MIGA1: variants seen among roughly 807,000 people sequenced by gnomAD.
MIGA1 encodes mitoguardin 1.
A neutral mutation model predicts 82.0 loss-of-function variants in MIGA1; 58 were observed. The ratio of observed to expected loss-of-function variants is 0.71; its 90% confidence interval spans 0.57 to 0.88. The LOEUF (loss-of-function observed/expected upper bound fraction) is 0.88. Ranked by LOEUF, MIGA1 falls within the 40% of genes least tolerant of loss-of-function variation. The pLI is 0.00. For synonymous variants in MIGA1, 249 were observed against 253.6 expected (o/e 0.98, Z 0.17); for missense variants, 751 against 749.1 (o/e 1.00, Z -0.03).
chr1:77,798,609 T>C (rs1272061570), intron 2 of MIGA1, among the ~76,000 whole-genome samples: 1 of 152,152 alleles, frequency 6.6e-6, no homozygotes, highest in Non-Finnish European at 1.5e-5. Flanking sequence ...CACGTGGGAA[T>C]TATGGGCGCT....
chr1:77,830,676 A>G (rs907537942), intron 7 of MIGA1, among the ~76,000 whole-genome samples: 3 of 152,180 alleles, frequency 2.0e-5, no homozygotes, highest in Non-Finnish European at 4.4e-5. Context: ...AAAGAGGACC[A>G]TAAGTCAGCT....
chr1:77,870,912 T>C, intron 14 of MIGA1, among the ~76,000 whole-genome samples: 1 of 49,962 alleles, frequency 2.0e-5, no homozygotes, highest in African/African-American at 8.2e-5. Flanking sequence ...CAAAACCCCG[T>C]CTCCACCAAA....
intron 2 of MIGA1, among the ~76,000 whole-genome samples, chr1:77,800,791 CTTA>C (rs1184264208): frequency 2.6e-5 from 4 of 152,272 alleles, no homozygotes; most frequent in Non-Finnish European, 4.4e-5. Flanking sequence ...GTTGTAGGCA[CTTA>C]TTATGTGCTC....
chr1:77,815,198 G>T lies in MIGA1; in HGVS notation c.862G>T (p.Ala288Ser). 2 of 1,607,570 alleles carry T rather than the reference G, an allele frequency of 1.2e-6. No individual in the cohort carries two copies. Residue 288 changes from alanine to serine, a missense_variant, in exon 7 of 16, where the codon GCA becomes TCA. Physicochemically the swap from Ala to Ser is moderately conservative, Grantham distance 99. Transcript: ENST00000370791. ...AGAGGAGTTTGAAGCTACCCTTGGG[G>T]CATCTGATCCTAATTCCCTTGCTGA...
chr1:77,816,561 A>G (rs944841568), intron 7 of MIGA1, among the ~76,000 whole-genome samples: 1 of 152,218 alleles, frequency 6.6e-6, no homozygotes, highest in Non-Finnish European at 1.5e-5. Flanking sequence ...ATAAGGTTAT[A>G]TGAAATCTCT....
chr1:77,789,191 G>T (rs1396804722), intron 2 of MIGA1, among the ~76,000 whole-genome samples: 1 of 147,844 alleles, frequency 6.8e-6, no homozygotes, highest in Non-Finnish European at 1.5e-5. Flanking sequence ...GGAATTGTGG[G>T]GGGCGGTTGC....
intron 7 of MIGA1, among the ~76,000 whole-genome samples, chr1:77,833,701 A>G (rs537075562): frequency 1.3e-4 from 20 of 152,360 alleles, no homozygotes; most frequent in African/African-American, 4.6e-4. Flanking sequence ...TTCCTGTGGC[A>G]GGGGACCTTT....
chr1:77,780,396 G>A (rs1011271293), intron 1 of MIGA1, among the ~76,000 whole-genome samples: 4 of 152,176 alleles, frequency 2.6e-5, no homozygotes, highest in African/African-American at 9.7e-5. Flanking sequence ...TTTTTGCACA[G>A]GACTTTGAAA....
chr1:77,808,468 T>C (rs1042945460), intron 5 of MIGA1, among the ~76,000 whole-genome samples: 3 of 152,216 alleles, frequency 2.0e-5, no homozygotes, highest in Admixed American at 2.0e-4. Flanking sequence ...TTACTAAATA[T>C]GTTTTTTCTA....
At position 77,811,197 on chromosome 1, in the gene MIGA1, A is replaced by T. The variant is rs1683314185; in HGVS notation, c.638-2537A>T. ...CAGGAGTTAAGTCTATGCCATTCAG[A>T]TCCTTTACACTAACTGTAATATAGG... On this transcript the variant is annotated intron_variant, in intron 5 of 15. Transcript: ENST00000370791. 3 of 1,547,752 alleles carry T rather than the reference A, an allele frequency of 1.9e-6. No individual in the cohort carries two copies. In the Admixed American group the frequency reaches 5.0e-5, roughly 26 times the overall value.
intron 2 of MIGA1, among the ~76,000 whole-genome samples, chr1:77,796,517 G>A (rs1292876233): frequency 6.6e-6 from 1 of 151,836 alleles, no homozygotes; most frequent in African/African-American, 2.4e-5. Flanking sequence ...CGAACCCCTG[G>A]GCTCAACTTA....
At chr1:77,815,411 C>T (rs925767524) in intron 7 of MIGA1, among the ~76,000 whole-genome samples, 180 bp downstream of exon 7, 4 of 151,800 alleles carry the variant, frequency 2.6e-5, no homozygotes, top group Non-Finnish European at 5.9e-5. Context: ...TTCAAATGAA[C>T]TAATGCCCTT....
At chr1:77,872,257 A>G (rs1646851889) in intron 14 of MIGA1, among the ~76,000 whole-genome samples, 1 of 152,200 alleles carries the variant, frequency 6.6e-6, no homozygotes, top group South Asian at 2.1e-4. Flanking sequence ...GGCATGAGCC[A>G]CCATGCCTGG....
At chr1:77,872,602 A>G (rs1646855397) in intron 14 of MIGA1, among the ~76,000 whole-genome samples, 1 of 152,202 alleles carries the variant, frequency 6.6e-6, no homozygotes, top group Non-Finnish European at 1.5e-5. Flanking sequence ...CCCTGTCTCA[A>G]AAAAACAAAC....
intron 5 of MIGA1, among the ~76,000 whole-genome samples, chr1:77,808,658 C>G (rs1683198755): frequency 6.6e-6 from 1 of 152,186 alleles, no homozygotes; most frequent in African/African-American, 2.4e-5. Flanking sequence ...TCCCTGTTCT[C>G]TGTTCTGTTT....
intron 14 of MIGA1, among the ~76,000 whole-genome samples, chr1:77,870,482 G>A (rs11162395): frequency 8.7e-5 from 9 of 103,882 alleles, no homozygotes; most frequent in South Asian, 4.6e-4. Context: ...CATCTCAGAC[G>A]ATGGGCGGCC....
intron 5 of MIGA1, among the ~76,000 whole-genome samples, chr1:77,809,068 C>T (rs545349077): frequency 6.6e-6 from 1 of 152,004 alleles, no homozygotes; most frequent in Non-Finnish European, 1.5e-5. Flanking sequence ...CTAATTGTGC[C>T]ACTGCACTAC....
chr1:77,820,808 A>G (rs1683777087), intron 7 of MIGA1, among the ~76,000 whole-genome samples: 1 of 152,182 alleles, frequency 6.6e-6, no homozygotes, highest in Admixed American at 6.6e-5. Flanking sequence ...CTTGAACTAG[A>G]AGGTAATTTG....
intron 2 of MIGA1, 39 bp from the exon 3 acceptor site, chr1:77,801,292 T>G: frequency 6.8e-7 from 1 of 1,471,916 alleles, no homozygotes; most frequent in Non-Finnish European, 9.1e-7. Flanking sequence ...GTGAACAAAT[T>G]AAAGAGATTT....
Sources: allele counts gnomAD v4.1 joint callset (sites outside exome capture counted in the v4.1 genomes callset), GRCh38; gene constraint gnomAD v4.1.1; transcripts MANE v1.5; gene names NCBI Gene and HGNC (gene_info 2026-07-23, HGNC 2026-07-21).